The following TLCD3B variants were observed in gnomAD, a reference collection of about 807,000 sequenced individuals.
The protein encoded by TLCD3B is ceramide synthase.
Under a neutral mutation model 23.0 loss-of-function variants are expected in TLCD3B, and 9 were observed. The ratio of observed to expected loss-of-function variants is 0.39; its 90% CI spans 0.24 to 0.68. The LOEUF is 0.68. Ranked by LOEUF, TLCD3B falls within the 30% of genes least tolerant of loss-of-function variation. The pLI, the probability that TLCD3B is intolerant of heterozygous loss-of-function variation, is 0.44. For missense variants in TLCD3B, 307 were observed against 371.8 expected (o/e 0.83, Z 1.43); for synonymous variants, 161 against 161.0 (o/e 1.00, Z 0.00).
intron 2 of TLCD3B, among the ~76,000 whole-genome samples, chr16:30,045,858 A>G (rs116543856): frequency 0.016 from 2,407 of 151,988 alleles, 63 homozygotes; most frequent in African/African-American, 0.055. Context: ...CAGCAGAGGA[A>G]GGGAGACACA....
intron 1 of TLCD3B, among the ~76,000 whole-genome samples, chr16:30,047,474 G>A (rs1843650023): frequency 6.6e-6 from 1 of 151,966 alleles, no homozygotes; most frequent in South Asian, 2.1e-4. Flanking sequence ...GGCACGTGCC[G>A]CCATGCTCGG....
At chr16:30,034,800 G>C (rs961356095), upstream of TLCD3B, among the ~76,000 whole-genome samples, 1 of 152,092 alleles carries the variant, frequency 6.6e-6, no homozygotes, top group African/African-American at 2.4e-5. Context: ...ACATCTCCAC[G>C]AAGAAAGGAA....
rs554393954 is a variant in TLCD3B at position 30,025,538 on chromosome 16, C to T, written c.541-71G>A. The T allele has an allele frequency of 1.9e-6, 3 of 1,587,346 alleles. No individual in the cohort carries two copies. Among genetic ancestry groups the T allele is most frequent in the African/African-American group, 2.7e-5 (2 of 74,362 alleles). On this transcript the variant is annotated intron_variant, in intron 4 of 4. Transcript: ENST00000380495. This position sits in a 1 kb window ranked among gnomAD's most constrained non-coding sequence, Gnocchi z 4.1. ...CCCCCCTTGGCCCTCTCCCTGCCTCCCTGCGACCCTAGCAGGCAGCTCCTC... is the reference window on the plus strand; with the variant it reads ...CCCCCCTTGGCCCTCTCCCTGCCTCTCTGCGACCCTAGCAGGCAGCTCCTC...
intron 2 of TLCD3B, chr16:30,027,580 G>A: frequency 2.2e-6 from 1 of 456,070 alleles, no homozygotes; most frequent in East Asian, 6.9e-5. Flanking sequence ...CCAATCTCTT[G>A]TCTATTTTGT....
chr16:30,052,700 A>G (rs2071785231), intron 1 of TLCD3B: 1 of 111,816 alleles, frequency 8.9e-6, no homozygotes. Flanking sequence ...CCGTCTCAAA[A>G]ATAAATAAAT....
chr16:30,040,147 A>AATATATATATATAT (rs1192651776), intron 3 of TLCD3B, among the ~76,000 whole-genome samples: 1 of 95,898 alleles, frequency 1.0e-5, no homozygotes, highest in Non-Finnish European at 2.0e-5. Flanking sequence ...AAAAAAAAAA[A>AATATATATATATAT]ATATATATAT....
intron 3 of TLCD3B, among the ~76,000 whole-genome samples, chr16:30,040,147 A>AAAAAAAAAAAAAAAAATAT: frequency 1.0e-5 from 1 of 95,898 alleles, no homozygotes; most frequent in Admixed American, 1.3e-4. Context: ...AAAAAAAAAA[A>AAAAAAAAAAAAAAAAATAT]ATATATATAT....
In TLCD3B at chr16:30,025,330, C is replaced by A; in HGVS notation, c.678G>T (p.Val226=). The change falls in exon 5 of 5, where the codon GTG becomes GTT. Residue 226 remains valine, a synonymous_variant. Coordinates refer to ENST00000380495, the MANE Select transcript of TLCD3B (RefSeq NM_031478.6). The surrounding 1 kb of genome is among the most constrained non-coding windows in gnomAD (Gnocchi z 4.1). ...GRHAGLPLLA[V]PLAIPAHVNL... Reference sequence around the variant, plus strand: ...TGACGTGGGCAGGGATGGCCAGGGGCACGGCCAGCAGGGGCAGGCCGGCAT... The same window carrying A: ...TGACGTGGGCAGGGATGGCCAGGGGAACGGCCAGCAGGGGCAGGCCGGCAT... 6.3e-7 allele frequency: 1 copy of A among 1,576,478 alleles called. No individual in the cohort carries two copies.
rs2150984386 is a variant in TLCD3B at position 30,031,208 on chromosome 16, A to C, written c.-681T>G. 6.6e-6 allele frequency: 1 copy of C among 152,218 alleles called. No individual in the cohort carries two copies. The highest frequency in any genetic ancestry group is 1.9e-4 in the East Asian group (1 of 5,138). 9.4% of individuals were successfully genotyped at this position (152,218 alleles called of 1,614,324 possible). On this transcript the variant is annotated 5_prime_UTR_variant, in exon 1 of 5. Transcript: ENST00000380495. ...TGGGGAGGACGGGGGAGGGGCAGGAAAATGATGGCACCGACCAGACACCGA... is the reference window on the plus strand; with the variant it reads ...TGGGGAGGACGGGGGAGGGGCAGGACAATGATGGCACCGACCAGACACCGA...
In TLCD3B at chr16:30,024,436, C is replaced by T. The variant is rs949431657; in HGVS notation, c.*747G>A. The T allele has an allele frequency of 1.3e-5, 9 of 677,660 alleles. No homozygotes were observed. The highest frequency in any genetic ancestry group is 9.0e-5 in the African/African-American group (5 of 55,312). The allele number at this position is 677,660 out of a possible 1,614,324, so 42.0% of individuals were successfully genotyped here. The stretch of plus-strand genomic sequence containing the variant: ...GTGGCAAGGGCCTTGGTGGCGTTCA[C>T]GCAGATCGTCTTTTATTAGCGGTCT... On this transcript the variant is annotated 3_prime_UTR_variant, in exon 5 of 5. Transcript: ENST00000380495.
upstream of TLCD3B, among the ~76,000 whole-genome samples, chr16:30,034,603 C>T (rs1040623956): frequency 6.6e-6 from 1 of 151,974 alleles, no homozygotes; most frequent in Non-Finnish European, 1.5e-5. Context: ...ATCATAACTC[C>T]GAAAATATTG....
intron 2 of TLCD3B, among the ~76,000 whole-genome samples, chr16:30,045,092 C>CAAAAAAAAAAAAAAAAAA (rs1162281544): frequency 2.7e-4 from 6 of 22,226 alleles, no homozygotes; most frequent in African/African-American, 4.1e-4. Context: ...GACTCCATCT[C>CAAAAAAAAAAAAAAAAAA]AAAAAAAAAA....
chr16:30,043,492 T>G (rs1567309638), intron 2 of TLCD3B, among the ~76,000 whole-genome samples: 1 of 151,948 alleles, frequency 6.6e-6, no homozygotes, highest in Non-Finnish European at 1.5e-5. Flanking sequence ...CCTCCCGAAG[T>G]GCTGGGATTA....
Position 30,030,630 on chromosome 16 carries a change from A to T in TLCD3B, c.-103T>A. On this transcript the variant is annotated 5_prime_UTR_variant, in exon 1 of 5. Coordinates refer to ENST00000380495, the MANE Select transcript of TLCD3B (RefSeq NM_031478.6). Reference sequence around the variant, plus strand: ...AGAAGGGACGCCAAGCCCGGGAAGGAGGGAGAAAACGATGAGAAGGGGCAC... The same window carrying T: ...AGAAGGGACGCCAAGCCCGGGAAGGTGGGAGAAAACGATGAGAAGGGGCAC... 8.5e-7 allele frequency: 1 copy of T among 1,182,290 alleles called. No homozygotes were observed. The highest frequency in any genetic ancestry group is 1.1e-6 in the Non-Finnish European group (1 of 944,782). 73.2% of individuals were successfully genotyped at this position (1,182,290 alleles called of 1,614,324 possible).
chr16:30,027,618 A>C, intron 2 of TLCD3B: 1 of 456,104 alleles, frequency 2.2e-6, no homozygotes, highest in African/African-American at 2.0e-5. Context: ...GCCAAGCGTT[A>C]AGGGGAAAAT....
upstream of TLCD3B, among the ~76,000 whole-genome samples, chr16:30,035,778 T>C (rs2071460198): frequency 2.0e-5 from 3 of 151,564 alleles, no homozygotes; most frequent in African/African-American, 7.3e-5. Context: ...TTTTTTTTTT[T>C]TGAGATGCAG....
At chr16:30,043,062 T>C (rs1434042953) in intron 2 of TLCD3B, among the ~76,000 whole-genome samples, 1 of 151,890 alleles carries the variant, frequency 6.6e-6, no homozygotes, top group Non-Finnish European at 1.5e-5. Flanking sequence ...ATCAGACCAC[T>C]GCACTCCAGC....
rs1285192116 is a variant in TLCD3B at position 30,030,777 on chromosome 16, C to T, written c.-250G>A. The T allele has an allele frequency of 1.7e-5, 21 of 1,213,530 alleles. No homozygotes were observed. The highest frequency in any genetic ancestry group is 3.4e-5 in the African/African-American group (2 of 58,610). 75.2% of individuals were successfully genotyped at this position (1,213,530 alleles called of 1,614,324 possible). A position where few individuals can be genotyped will look rare whatever the true frequency, so the allele number is the denominator to read the frequency against. On this transcript the variant is annotated 5_prime_UTR_variant, in exon 1 of 5. Coordinates refer to ENST00000380495, the MANE Select transcript of TLCD3B (RefSeq NM_031478.6). ...TGGGAGAAGGGGAGCAGGAGCAGGC[C>T]AGCGAGGGATGGGGAGAGGCAAAGA... is the stretch of plus-strand genomic sequence containing the variant.
At chr16:30,038,243 T>C (rs2071509916) in intron 3 of TLCD3B, among the ~76,000 whole-genome samples, 1 of 152,096 alleles carries the variant, frequency 6.6e-6, no homozygotes, top group Non-Finnish European at 1.5e-5. Context: ...CATCATTAAA[T>C]GCTGCTTAGA....
Sources: gnomAD v4.1 joint callset for allele counts (sites outside exome capture counted in the v4.1 genomes callset) on GRCh38, gnomAD v4.1.1 for gene constraint, Gnocchi (gnomAD v3.1) non-coding constraint, MANE v1.5 for transcripts, NCBI Gene and HGNC (gene_info 2026-07-23, HGNC 2026-07-21) for gene names.